The following MYH10 variants were observed in gnomAD, a reference collection of about 807,000 sequenced individuals.
The protein encoded by MYH10 is myosin-10.
In MYH10, 55 loss-of-function variants were observed where a neutral mutation model predicts 257.8. The observed-to-expected ratio is 0.21, with a 90% CI of 0.17 to 0.27. The LOEUF is 0.27. MYH10 is among the 10% of genes least tolerant of loss of function. The probability of loss-of-function intolerance (pLI) is 1.00; values close to 1 mark genes in which losing one functional copy is unlikely to be tolerated. For synonymous variants in MYH10, 854 were observed against 921.7 expected, an observed-to-expected ratio of 0.93 and a Z score of 1.33; for missense variants, 1,631 against 2,500.6, an observed-to-expected ratio of 0.65 and a Z score of 7.42.
At position 8,552,251 on chromosome 17, in the gene MYH10, G is replaced by T. The variant is rs1225966298; in HGVS notation, c.821-107C>A. 6.1e-6 allele frequency: 3 copies of T among 494,808 alleles called. No homozygotes were observed. Among genetic ancestry groups the T allele is most frequent in the Non-Finnish European group, 1.0e-5 (3 of 294,224 alleles). The allele number at this position is 494,808 out of a possible 1,614,324, so 30.7% of individuals were successfully genotyped here. Reference sequence around the variant, plus strand: ...AAATCATAAAACATCTTCTTTCTCTGATTATTATATAAACTATCCTGCAAT... The same window carrying T: ...AAATCATAAAACATCTTCTTTCTCTTATTATTATATAAACTATCCTGCAAT... On this transcript the variant is annotated intron_variant, in intron 8 of 42. Transcript: ENST00000360416. This position sits in a 1 kb window ranked among gnomAD's most constrained non-coding sequence, Gnocchi z 4.8.
intron 2 of MYH10, among the ~76,000 whole-genome samples, chr17:8,619,542 A>G (rs544736799): frequency 1.3e-5 from 2 of 152,292 alleles, no homozygotes; most frequent in East Asian, 3.9e-4. Context: ...AGTAAGAATA[A>G]ATCTTAAAAA....
rs112305477 is a variant in MYH10, at chr17:8,477,099, C to T, written c.5707-51G>A. On this transcript the variant is annotated intron_variant, in intron 41 of 42. Transcript: ENST00000360416. This position sits in a 1 kb window ranked among gnomAD's most constrained non-coding sequence, Gnocchi z 4.2. Reference sequence around the variant, plus strand: ...CAAACCAAACTGGTGAATCCAGTGTCGGCCTCTCTGTACCCCGAGCGTGGC... The same window carrying T: ...CAAACCAAACTGGTGAATCCAGTGTTGGCCTCTCTGTACCCCGAGCGTGGC... 1.5e-4 allele frequency: 242 copies of T among 1,601,254 alleles called. No homozygotes were observed. The African/African-American group carries it at 2.5e-3, about 16-fold the overall frequency.
At chr17:8,502,587 T>C (rs1235918623) in intron 28 of MYH10, among the ~76,000 whole-genome samples, 1 of 152,002 alleles carries the variant, frequency 6.6e-6, no homozygotes, top group Non-Finnish European at 1.5e-5. Flanking sequence ...TTTCTTTCAG[T>C]TTTTCATCAA....
At chr17:8,526,482 T>TG (rs769412215) in intron 17 of MYH10, among the ~76,000 whole-genome samples, 5 of 152,218 alleles carry the variant, frequency 3.3e-5, no homozygotes, top group Admixed American at 1.3e-4. Flanking sequence ...TTAGGATTGC[T>TG]GGGGGGCATT....
chr17:8,575,198 G>C (rs2083462478), intron 6 of MYH10, among the ~76,000 whole-genome samples: 1 of 152,116 alleles, frequency 6.6e-6, no homozygotes, highest in Admixed American at 6.5e-5. Flanking sequence ...GGTGGGGGTA[G>C]GCATGCTACT....
intron 4 of MYH10, among the ~76,000 whole-genome samples, chr17:8,579,837 G>C (rs2083636617): frequency 6.6e-6 from 1 of 152,032 alleles, no homozygotes; most frequent in Admixed American, 6.5e-5. Flanking sequence ...ACTTTTTACA[G>C]CTGAATCTTC....
chr17:8,540,768 C>T (rs1226662819), intron 14 of MYH10, among the ~76,000 whole-genome samples: 1 of 152,118 alleles, frequency 6.6e-6, no homozygotes, highest in Non-Finnish European at 1.5e-5. Context: ...ATCAATAGTA[C>T]TAATGTGAAA....
At chr17:8,548,532 G>T (rs573474515) in intron 10 of MYH10, 112 bp downstream of exon 10, 2 of 1,445,158 alleles carry the variant, frequency 1.4e-6, no homozygotes, top group South Asian at 1.3e-5. Flanking sequence ...TGTCTTTTCA[G>T]GATTTCATAC....
At position 8,545,773 on chromosome 17, in the gene MYH10, T is replaced by A. The variant is rs1411814683; in HGVS notation, c.1279-173A>T. 1.3e-5 allele frequency among the ~76,000 whole-genome samples: 2 copies of A among 152,176 alleles called. No individual in the cohort carries two copies. The highest frequency in any genetic ancestry group is 2.9e-5 in the Non-Finnish European group (2 of 68,030). Reference sequence around the variant, plus strand: ...AGAAGGCAATATTAGAAGAATTAAATGAACACAGGGAATAACGAATTTGGG... The same window carrying A: ...AGAAGGCAATATTAGAAGAATTAAAAGAACACAGGGAATAACGAATTTGGG... On this transcript the variant is annotated intron_variant, in intron 12 of 42. Transcript: ENST00000360416. This position sits in a 1 kb window ranked among gnomAD's most constrained non-coding sequence, Gnocchi z 4.7.
At chr17:8,536,067 T>G in intron 14 of MYH10, 136 bp from the exon 15 acceptor site, 1 of 780,962 alleles carries the variant, frequency 1.3e-6, no homozygotes, top group East Asian at 2.7e-5. Flanking sequence ...GAAAGGAATG[T>G]CTAAGCCATA....
chr17:8,519,323 C>T (rs2081574118), intron 19 of MYH10, among the ~76,000 whole-genome samples: 1 of 152,096 alleles, frequency 6.6e-6, no homozygotes, highest in Non-Finnish European at 1.5e-5. Flanking sequence ...CAATTTGTAG[C>T]ATTTATTAGA....
chr17:8,542,250 A>G lies in MYH10; in HGVS notation c.1462T>C (p.Tyr488His). ...AGCTGCTGCAGCTTCTCATTGGTGT[A>G]GTTGATGCAAAGTTGTTCAAAGGAG... ...LNSFEQLCIN[Y>H]TNEKLQQLFN... is the part of the protein sequence containing the mutation. Residue 488 changes from tyrosine to histidine, a missense_variant, in exon 14 of 43, where the codon TAC (tyrosine) becomes CAC (histidine). Coordinates refer to ENST00000360416, the MANE Select transcript of MYH10 (RefSeq NM_001256012.3). 6.2e-7 allele frequency: 1 copy of G among 1,614,076 alleles called. No homozygotes were observed. The highest frequency in any genetic ancestry group is 8.5e-7 in the Non-Finnish European group (1 of 1,179,990).
At chr17:8,529,029 C>A (rs1207939507) in intron 17 of MYH10, among the ~76,000 whole-genome samples, 1 of 152,140 alleles carries the variant, frequency 6.6e-6, no homozygotes, top group East Asian at 1.9e-4. Context: ...GGGAATGAGC[C>A]ACCCCGCTGC....
At chr17:8,628,402 C>A (rs1250157318) in intron 1 of MYH10, among the ~76,000 whole-genome samples, 1 of 152,240 alleles carries the variant, frequency 6.6e-6, no homozygotes, top group South Asian at 2.1e-4. Context: ...TTTTCAAATC[C>A]CTCCCAGCAC....
chr17:8,590,099 T>C (rs954518075), intron 3 of MYH10, among the ~76,000 whole-genome samples: 16 of 152,200 alleles, frequency 1.1e-4, no homozygotes, highest in African/African-American at 3.9e-4. Context: ...TGCTATGCTG[T>C]GCTTTCTTTT....
chr17:8,537,213 A>T (rs909373943), intron 14 of MYH10, among the ~76,000 whole-genome samples: 1 of 152,092 alleles, frequency 6.6e-6, no homozygotes, highest in East Asian at 1.9e-4. Context: ...ACAAAACTGA[A>T]CTCGTACCAG....
intron 7 of MYH10, among the ~76,000 whole-genome samples, chr17:8,564,429 C>T (rs1212265477): frequency 1.3e-5 from 2 of 152,214 alleles, no homozygotes; most frequent in African/African-American, 4.8e-5. Flanking sequence ...AAGGCCTGGC[C>T]TGCCCACGGA....
In MYH10 at chr17:8,590,673, C is replaced by A. The variant is rs532612034; in HGVS notation, c.503-1565G>T. Among the ~76,000 whole-genome samples, 20 of 152,234 alleles carry A rather than the reference C, an allele frequency of 1.3e-4. No individual in the cohort carries two copies. The South Asian group carries it at 4.2e-3, about 32-fold the overall frequency. ...TCTTCCTTCTGGCTGCCACAGCCAA[C>A]ATTTATAGTACATAGTCAATGTCTG... On this transcript the variant is annotated intron_variant, in intron 3 of 42. Coordinates refer to ENST00000360416, the MANE Select transcript of MYH10 (RefSeq NM_001256012.3).
intron 17 of MYH10, among the ~76,000 whole-genome samples, chr17:8,522,967 C>T (rs1252508951): frequency 6.6e-6 from 1 of 152,242 alleles, no homozygotes; most frequent in Non-Finnish European, 1.5e-5. Flanking sequence ...CCCCTCACTA[C>T]TTCAGTCCCA....
Sources: allele counts gnomAD v4.1 joint callset (sites outside exome capture counted in the v4.1 genomes callset), GRCh38; gene constraint gnomAD v4.1.1; non-coding constraint Gnocchi (gnomAD v3.1); transcripts MANE v1.5; gene names NCBI Gene and HGNC (gene_info 2026-07-23, HGNC 2026-07-21).